Variants in NPIPB2 observed in about 807,000 individuals in gnomAD.
NPIPB2 encodes nuclear pore complex interacting protein family member B2.
A neutral mutation model predicts 30.8 loss-of-function variants in NPIPB2; 27 were observed. The ratio of observed to expected loss-of-function variants is 0.88; its 90% CI spans 0.65 to 1.21. The LOEUF (loss-of-function observed/expected upper bound fraction) is 1.21, where lower values mean the gene tolerates loss of function less well. NPIPB2 is among the 50% of genes most tolerant of loss of function. NPIPB2 has a pLI of 0.00. For missense variants in NPIPB2, 440 were observed against 446.2 expected (o/e 0.99, Z 0.13); for synonymous variants, 147 against 162.0 (o/e 0.91, Z 0.70).
intron 1 of NPIPB2, among the ~76,000 whole-genome samples, chr16:11,957,024 C>T (rs576385705): frequency 4.3e-4 from 65 of 152,236 alleles, no homozygotes; most frequent in African/African-American, 1.5e-3. Context: ...TGGAGTCTCA[C>T]TCTGTCACCG....
chr16:11,938,892 C>T (rs1320984542), intron 1 of NPIPB2, among the ~76,000 whole-genome samples: 5 of 151,646 alleles, frequency 3.3e-5, no homozygotes, highest in Middle Eastern at 3.4e-3. Context: ...GGATTACAGG[C>T]GCCTGCCACC....
At chr16:11,961,616 C>G (rs1004639329) in intron 1 of NPIPB2, among the ~76,000 whole-genome samples, 2 of 151,500 alleles carry the variant, frequency 1.3e-5, no homozygotes, top group Admixed American at 1.3e-4. Flanking sequence ...CCCGTCTCTA[C>G]TAAAAATACA....
rs1237225040 is a variant in NPIPB2 at position 11,937,675 on chromosome 16, T to A, written c.64-7A>T. The A allele has an allele frequency of 6.3e-7, 1 of 1,598,214 alleles. No homozygotes were observed. ...CAGCCAGAGTATTGATAACCTGGAA[T>A]AATAATAGTTGAAATAATGAAAAGG... On this transcript the variant is annotated splice_polypyrimidine_tract_variant and splice_region_variant and intron_variant, in intron 1 of 7. Coordinates refer to ENST00000399147, the Ensembl canonical transcript of NPIPB2.
intron 2 of NPIPB2, among the ~76,000 whole-genome samples, chr16:11,934,449 A>C (rs2054837482): frequency 6.7e-6 from 1 of 149,082 alleles, no homozygotes; most frequent in Non-Finnish European, 1.5e-5. Flanking sequence ...GCTAGTCAGG[A>C]GGCTGAGGCA....
At chr16:11,966,499 C>A (rs1038830424) in intron 1 of NPIPB2, among the ~76,000 whole-genome samples, 1 of 152,130 alleles carries the variant, frequency 6.6e-6, no homozygotes, top group African/African-American at 2.4e-5. Flanking sequence ...TAGAGGTGAG[C>A]CATCTTCATT....
chr16:11,971,555 C>T (rs1020969370), intron 1 of NPIPB2, among the ~76,000 whole-genome samples: 5 of 151,856 alleles, frequency 3.3e-5, no homozygotes, highest in East Asian at 3.9e-4. Flanking sequence ...AGTGCAGTGG[C>T]GCAACCTTGG....
At chr16:11,933,558 A>G (rs1567464892) in exon 4 of NPIPB2, 4 of 1,597,054 alleles carry the variant, frequency 2.5e-6, no homozygotes, top group Non-Finnish European at 3.4e-6. Context: ...TTTTGTCATG[A>G]TGGTTGATTT....
At chr16:11,965,280 T>C (rs556866997) in intron 1 of NPIPB2, 1 of 1,612,270 alleles carries the variant, frequency 6.2e-7, no homozygotes, top group South Asian at 1.1e-5. Context: ...TACTTGTCCT[T>C]CCAGGCTGTT....
At chr16:11,968,728 A>C (rs902257197) in intron 1 of NPIPB2, 2 of 152,168 alleles carry the variant, frequency 1.3e-5, no homozygotes, top group Non-Finnish European at 2.9e-5. Flanking sequence ...AGGTTGTTGC[A>C]AACAACCTCA....
chr16:11,967,703 G>A (rs1451921429), intron 1 of NPIPB2: 1 of 1,614,182 alleles, frequency 6.2e-7, no homozygotes, highest in Admixed American at 1.7e-5. Flanking sequence ...GCAAACCGAA[G>A]GTCGACTCTG....
intron 1 of NPIPB2, among the ~76,000 whole-genome samples, chr16:11,954,197 T>C (rs1485321549): frequency 6.6e-6 from 1 of 152,040 alleles, no homozygotes. Context: ...TAAAAAATAT[T>C]AATTTTAGGC....
chr16:11,964,402 T>C (rs2150938933), intron 1 of NPIPB2, among the ~76,000 whole-genome samples: 1 of 152,176 alleles, frequency 6.6e-6, no homozygotes, highest in East Asian at 1.9e-4. Context: ...GCATCACCTC[T>C]GATCTTCCTG....
Position 11,954,153 on chromosome 16 carries a change from T to C in NPIPB2, c.-583-12039A>G, listed in dbSNP as rs184113372. ...TCTAGTAATCTGCTTTGTATCTCTT[T>C]CATGCAAAATTCCTAAACGTGGAAT... On this transcript the variant is annotated intron_variant, in intron 1 of 5. Transcript: ENST00000538896. 5.5e-3 allele frequency among the ~76,000 whole-genome samples: 838 copies of C among 152,248 alleles called. 13 individuals carry two copies. The highest frequency in any genetic ancestry group is 0.019 in the African/African-American group (808 of 41,566).
At chr16:11,943,997 C>A (rs867945013), upstream of NPIPB2, among the ~76,000 whole-genome samples, 145 of 50,318 alleles carry the variant, frequency 2.9e-3, no homozygotes, top group African/African-American at 7.2e-3. Flanking sequence ...GACTCTGTCT[C>A]AAAAAAAAAA....
intron 1 of NPIPB2, among the ~76,000 whole-genome samples, chr16:11,950,224 TG>T (rs754790975): frequency 6.6e-6 from 1 of 152,006 alleles, no homozygotes; most frequent in Non-Finnish European, 1.5e-5. Context: ...GTAGTAGTGA[TG>T]GGGTTTCGTC....
chr16:11,964,419 T>C (rs2055177449), intron 1 of NPIPB2, among the ~76,000 whole-genome samples: 1 of 147,754 alleles, frequency 6.8e-6, no homozygotes, highest in Admixed American at 6.8e-5. Context: ...CCTGTAGAAT[T>C]TTTTTTTTTT....
At chr16:11,955,353 C>CAAAAAAAAAAAAAAAAA (rs34066078) in intron 1 of NPIPB2, among the ~76,000 whole-genome samples, 1 of 46,640 alleles carries the variant, frequency 2.1e-5, no homozygotes, top group Non-Finnish European at 4.3e-5. Context: ...AACTCTGTGT[C>CAAAAAAAAAAAAAAAAA]AAAAAAAAAA....
chr16:11,972,504 G>A (rs964466971), intron 1 of NPIPB2, among the ~76,000 whole-genome samples: 2 of 152,260 alleles, frequency 1.3e-5, no homozygotes, highest in East Asian at 1.9e-4. Flanking sequence ...GAACCTGGGA[G>A]GCGGAGGTTG....
chr16:11,966,789 G>A lies in NPIPB2; in HGVS notation c.-584+9779C>T, dbSNP rs149275706. On this transcript the variant is annotated intron_variant, in intron 1 of 5. Coordinates refer to the NPIPB2 transcript ENST00000538896. ...TTTACTACTGAAAAATGTTAGAAAT[G>A]AATAACCAGTTGCTCCTGAATTATT... is the stretch of plus-strand genomic sequence containing the variant. 1.2e-4 allele frequency among the ~76,000 whole-genome samples: 18 copies of A among 152,182 alleles called. No individual in the cohort carries two copies. The East Asian group carries it at 3.5e-3, about 29-fold the overall frequency.
Sources: allele counts gnomAD v4.1 joint callset (sites outside exome capture counted in the v4.1 genomes callset), GRCh38; gene constraint gnomAD v4.1.1; transcripts MANE v1.5; gene names NCBI Gene and HGNC (gene_info 2026-07-23, HGNC 2026-07-21).